Variants in SORCS3 observed in about 807,000 individuals in gnomAD.
SORCS3 encodes the protein sortilin related VPS10 domain containing receptor 3.
Under a neutral mutation model 146.3 loss-of-function variants are expected in SORCS3, and 57 were observed. The observed-to-expected ratio is 0.39, with a 90% CI of 0.31 to 0.49. The LOEUF is 0.49. Ranked by LOEUF, SORCS3 falls within the 20% of genes least tolerant of loss-of-function variation. SORCS3 has a pLI of 0.92. For synonymous variants in SORCS3, 653 were observed against 618.5 expected, an observed-to-expected ratio of 1.06 and a Z score of -0.83; for missense variants, 1,341 against 1,575.5, an observed-to-expected ratio of 0.85 and a Z score of 2.52.
chr10:104,753,155 A>G (rs1170336674), intron 1 of SORCS3, among the ~76,000 whole-genome samples: 1 of 152,224 alleles, frequency 6.6e-6, no homozygotes, highest in Non-Finnish European at 1.5e-5. Context: ...TTTGGCATTG[A>G]CTTTGGACAA....
chr10:105,226,364 C>T (rs2056733987), intron 20 of SORCS3, among the ~76,000 whole-genome samples: 1 of 151,884 alleles, frequency 6.6e-6, no homozygotes, highest in Non-Finnish European at 1.5e-5. Flanking sequence ...CATTTATTGG[C>T]TTGTGTATGT....
intron 20 of SORCS3, among the ~76,000 whole-genome samples, chr10:105,233,756 T>C (rs1330888935): frequency 6.6e-6 from 1 of 152,230 alleles, no homozygotes; most frequent in Non-Finnish European, 1.5e-5. Flanking sequence ...TTTATATGGC[T>C]GCATAGTATT....
intron 2 of SORCS3, among the ~76,000 whole-genome samples, chr10:104,893,789 A>G (rs1026820006): frequency 3.3e-5 from 5 of 152,110 alleles, no homozygotes; most frequent in Non-Finnish European, 5.9e-5. Context: ...TTTCCTTCTC[A>G]GGCAAGCACT....
intron 1 of SORCS3, among the ~76,000 whole-genome samples, chr10:104,669,450 A>G (rs142000075): frequency 1.1e-3 from 170 of 152,258 alleles, no homozygotes; most frequent in African/African-American, 4.0e-3. Context: ...TTGTGTCTCT[A>G]TGATGTTGAT....
chr10:105,134,934 C>T (rs969918926), intron 7 of SORCS3, among the ~76,000 whole-genome samples: 2 of 152,098 alleles, frequency 1.3e-5, no homozygotes, highest in Non-Finnish European at 2.9e-5. Context: ...GATTCCCCTC[C>T]AGCTGCAAGC....
intron 3 of SORCS3, among the ~76,000 whole-genome samples, chr10:104,943,136 A>AT (rs552101186): frequency 7.3e-5 from 11 of 151,550 alleles, no homozygotes; most frequent in South Asian, 4.2e-4. Context: ...AATATAAAAT[A>AT]TTTTTTTTTA....
At chr10:104,656,721 G>A (rs531112929) in intron 1 of SORCS3, among the ~76,000 whole-genome samples, 7 of 152,170 alleles carry the variant, frequency 4.6e-5, no homozygotes, top group African/African-American at 1.7e-4. Context: ...AAGGTTTATA[G>A]TAGGAGAGTG....
chr10:104,891,989 C>A (rs1237368793), intron 2 of SORCS3, among the ~76,000 whole-genome samples: 1 of 152,176 alleles, frequency 6.6e-6, no homozygotes, highest in African/African-American at 2.4e-5. Flanking sequence ...ATTTGTTAAA[C>A]ATATTTTTCT....
chr10:104,857,874 C>A (rs1439000662), intron 2 of SORCS3, among the ~76,000 whole-genome samples: 3 of 152,186 alleles, frequency 2.0e-5, no homozygotes, highest in Non-Finnish European at 4.4e-5. Context: ...ACTTCTTAAA[C>A]TTATCCCATT....
intron 20 of SORCS3, among the ~76,000 whole-genome samples, chr10:105,233,394 GAAT>G (rs2056775768): frequency 6.6e-6 from 1 of 151,976 alleles, no homozygotes; most frequent in Middle Eastern, 3.2e-3. Flanking sequence ...AGTCAATTGA[GAAT>G]AATACTTTTC....
At chr10:105,233,568 C>T (rs1293794023) in intron 20 of SORCS3, among the ~76,000 whole-genome samples, 2 of 152,130 alleles carry the variant, frequency 1.3e-5, no homozygotes, top group Non-Finnish European at 2.9e-5. Context: ...CCCCCCACCC[C>T]TCCTTGACAG....
chr10:104,854,935 C>T (rs574586969), intron 2 of SORCS3, among the ~76,000 whole-genome samples: 83 of 152,200 alleles, frequency 5.5e-4, no homozygotes, highest in African/African-American at 1.6e-3. Flanking sequence ...TATGAATGTA[C>T]GTCAATTTGT....
At chr10:105,011,546 C>T (rs790654) in intron 4 of SORCS3, among the ~76,000 whole-genome samples, 7,079 of 152,044 alleles carry the variant, frequency 0.047, 219 homozygotes, top group East Asian at 0.16. Context: ...TTAAGGTAAA[C>T]GCAGTTATTT....
chr10:104,963,739 A>G (rs957223271), intron 3 of SORCS3, among the ~76,000 whole-genome samples: 2 of 152,084 alleles, frequency 1.3e-5, no homozygotes, highest in East Asian at 3.9e-4. Context: ...TTCAAAACCA[A>G]ATTCTTTATT....
chr10:105,050,846 C>T (rs2133710514), intron 5 of SORCS3, among the ~76,000 whole-genome samples: 1 of 152,144 alleles, frequency 6.6e-6, no homozygotes, highest in East Asian at 1.9e-4. Flanking sequence ...TGTCTACATA[C>T]AACTACTTCT....
At chr10:105,156,039 A>G (rs1045671351) in intron 9 of SORCS3, among the ~76,000 whole-genome samples, 2 of 152,140 alleles carry the variant, frequency 1.3e-5, no homozygotes, top group Non-Finnish European at 2.9e-5. Flanking sequence ...AACTCTTACC[A>G]TTTTCTCCCA....
intron 1 of SORCS3, among the ~76,000 whole-genome samples, chr10:104,679,768 C>T (rs763799152): frequency 1.3e-5 from 2 of 152,138 alleles, no homozygotes; most frequent in African/African-American, 2.4e-5. Context: ...TGGAGGGTTT[C>T]AGAGAGCCTT....
At chr10:105,145,335 T>C (rs1284732803) in intron 8 of SORCS3, among the ~76,000 whole-genome samples, 1 of 152,068 alleles carries the variant, frequency 6.6e-6, no homozygotes, top group Admixed American at 6.6e-5. Context: ...GAATCCTGGA[T>C]ACCAGAGAGC....
intron 3 of SORCS3, among the ~76,000 whole-genome samples, chr10:104,920,289 A>G (rs1490243740): frequency 6.6e-6 from 1 of 152,244 alleles, no homozygotes; most frequent in Admixed American, 6.5e-5. Flanking sequence ...AAAACAGTAA[A>G]TTGAGTTTGT....
Sources: allele counts gnomAD v4.1 joint callset (sites outside exome capture counted in the v4.1 genomes callset), GRCh38; gene constraint gnomAD v4.1.1; transcripts MANE v1.5; gene names NCBI Gene and HGNC (gene_info 2026-07-23, HGNC 2026-07-21).